Variants in CLIP2 observed in about 807,000 individuals in gnomAD.
The protein encoded by CLIP2 is CAP-Gly domain-containing linker protein 2.
CLIP2 carries 41 observed loss-of-function variants against 111.7 expected under a neutral mutation model. The observed-to-expected ratio is 0.37, with a 90% CI of 0.29 to 0.48. CLIP2 has a LOEUF of 0.48. Among genes scored for constraint, CLIP2 ranks in the 20% least tolerant of loss-of-function variants. The pLI, the probability that CLIP2 is intolerant of heterozygous loss-of-function variation, is 0.99. For missense variants in CLIP2, 1,160 were observed against 1,422.1 expected (o/e 0.82, Z 2.96); for synonymous variants, 660 against 644.2 (o/e 1.02, Z -0.37).
intron 1 of CLIP2, among the ~76,000 whole-genome samples, chr7:74,310,966 C>T (rs950721880): frequency 1.4e-5 from 2 of 147,388 alleles, no homozygotes; most frequent in Non-Finnish European, 3.0e-5. Flanking sequence ...CTGCCTGCCT[C>T]GAGCTCCTAT....
At chr7:74,300,926 T>C (rs1554726726) in intron 1 of CLIP2, among the ~76,000 whole-genome samples, 1 of 152,202 alleles carries the variant, frequency 6.6e-6, no homozygotes, top group Non-Finnish European at 1.5e-5. Context: ...GAATGAATCA[T>C]TTTCCTTTGG....
At chr7:74,345,281 G>A (rs782120865) in intron 3 of CLIP2, among the ~76,000 whole-genome samples, 2 of 151,926 alleles carry the variant, frequency 1.3e-5, no homozygotes, top group Non-Finnish European at 2.9e-5. Flanking sequence ...GTCGCCCAGA[G>A]TGGAGTATAG....
intron 12 of CLIP2, 71 bp from the exon 13 acceptor site, chr7:74,389,032 T>C (rs746770376): frequency 6.6e-7 from 1 of 1,520,394 alleles, no homozygotes; most frequent in Non-Finnish European, 8.8e-7. Flanking sequence ...GCCCAGGTCT[T>C]TGCCCTTGGG....
intron 3 of CLIP2, among the ~76,000 whole-genome samples, chr7:74,347,734 C>T (rs749491405): frequency 1.3e-4 from 20 of 152,152 alleles, no homozygotes; most frequent in South Asian, 2.1e-4. Flanking sequence ...TGAACAAAAA[C>T]GCCACTGAAT....
At chr7:74,293,065 C>G (rs1044302367) in intron 1 of CLIP2, among the ~76,000 whole-genome samples, 1 of 152,150 alleles carries the variant, frequency 6.6e-6, no homozygotes, top group Non-Finnish European at 1.5e-5. Flanking sequence ...CTGACGTGGC[C>G]CCTTTAATAA....
intron 1 of CLIP2, among the ~76,000 whole-genome samples, chr7:74,313,703 C>CA (rs11437619): frequency 0.6 from 90,460 of 151,776 alleles, 29,635 homozygotes; most frequent in Non-Finnish European, 0.74. Context: ...ATGGCCCCTG[C>CA]AGCTTCTGGC....
Position 74,386,394 on chromosome 7 carries a change from G to A in CLIP2, c.2480-127G>A, listed in dbSNP as rs1791100132. On this transcript the variant is annotated intron_variant, in intron 11 of 16. Coordinates refer to ENST00000223398, the MANE Select transcript of CLIP2 (RefSeq NM_003388.5). Reference sequence around the variant, plus strand: ...TACCCAGCGAGACGGCTGGAGTGAGGAAGAACTTGGACCCTGGAGGCCAAG... The same window carrying A: ...TACCCAGCGAGACGGCTGGAGTGAGAAAGAACTTGGACCCTGGAGGCCAAG... 13 of 680,416 alleles carry A rather than the reference G, an allele frequency of 1.9e-5. No homozygotes were observed. The South Asian group carries it at 2.4e-4, about 12-fold the overall frequency. The allele number at this position is 680,416 out of a possible 1,614,324, so 42.1% of individuals were successfully genotyped here.
At chr7:74,294,399 C>T (rs1398315193) in intron 1 of CLIP2, among the ~76,000 whole-genome samples, 1 of 152,166 alleles carries the variant, frequency 6.6e-6, no homozygotes, top group Non-Finnish European at 1.5e-5. Context: ...ATTAACGAGG[C>T]CTGAATTTAG....
intron 2 of CLIP2, among the ~76,000 whole-genome samples, chr7:74,324,295 A>C (rs539524824): frequency 2.6e-5 from 4 of 152,152 alleles, no homozygotes; most frequent in African/African-American, 9.7e-5. Flanking sequence ...CCTGGCCACA[A>C]GTTGTTTTAA....
chr7:74,389,215 G>C lies in CLIP2; in HGVS notation c.2676G>C (p.Ser892=), dbSNP rs781796266. The part of the protein sequence containing the change: ...ETVSRKTHDA[S]GQLVLISQEL... ...TGTCCCGGAAGACCCATGACGCCTCGGGCCAGCTAGTCCTCATCAGCCAGG... is the reference window on the plus strand; with the variant it reads ...TGTCCCGGAAGACCCATGACGCCTCCGGCCAGCTAGTCCTCATCAGCCAGG... Residue 892 remains serine, a synonymous_variant, in exon 13 of 17, where the codon TCG becomes TCC. Coordinates refer to ENST00000223398, the MANE Select transcript of CLIP2 (RefSeq NM_003388.5). 1 of 1,611,614 alleles carries C rather than the reference G, an allele frequency of 6.2e-7. No individual in the cohort carries two copies. The highest frequency in any genetic ancestry group is 8.5e-7 in the Non-Finnish European group (1 of 1,179,172).
At chr7:74,319,747 G>A (rs1017027374) in intron 2 of CLIP2, among the ~76,000 whole-genome samples, 1 of 151,696 alleles carries the variant, frequency 6.6e-6, no homozygotes, top group African/African-American at 2.4e-5. Context: ...CTTGAGCCCA[G>A]GGGTTGGAGG....
At chr7:74,300,691 CA>C (rs1383652287) in intron 1 of CLIP2, among the ~76,000 whole-genome samples, 1 of 151,102 alleles carries the variant, frequency 6.6e-6, no homozygotes, top group Non-Finnish European at 1.5e-5. Context: ...CTCCTGACCT[CA>C]TGATCCACCC....
intron 10 of CLIP2, among the ~76,000 whole-genome samples, chr7:74,377,162 G>A (rs1367958358): frequency 3.9e-5 from 6 of 152,130 alleles, no homozygotes; most frequent in African/African-American, 1.2e-4. Context: ...CCTAGGACCC[G>A]GGACCTCAGA....
chr7:74,289,810 C>T (rs1435892383), intron 1 of CLIP2, 76 bp downstream of exon 1: 1 of 148,106 alleles, frequency 6.8e-6, no homozygotes, highest in Non-Finnish European at 1.5e-5. Context: ...GGGCGGCGGC[C>T]TGGCCGAAAG....
chr7:74,384,698 G>A (rs1386122656), intron 11 of CLIP2, among the ~76,000 whole-genome samples: 1 of 151,794 alleles, frequency 6.6e-6, no homozygotes, highest in East Asian at 2.0e-4. Flanking sequence ...CACCTGCCTC[G>A]GCCTCCTGAA....
chr7:74,358,386 G>A (rs1217931637), intron 6 of CLIP2, among the ~76,000 whole-genome samples: 7 of 151,796 alleles, frequency 4.6e-5, no homozygotes, highest in African/African-American at 1.5e-4. Flanking sequence ...TTTTAATATA[G>A]GGATGGGGTC....
intron 12 of CLIP2, 47 bp downstream of exon 12, chr7:74,386,651 C>T: frequency 6.8e-7 from 1 of 1,463,522 alleles, no homozygotes; most frequent in Non-Finnish European, 9.3e-7. Flanking sequence ...TTCACTGGGG[C>T]CGTGCCATTC....
At chr7:74,319,459 G>C (rs1788884113) in intron 2 of CLIP2, among the ~76,000 whole-genome samples, 2 of 152,088 alleles carry the variant, frequency 1.3e-5, no homozygotes, top group South Asian at 4.1e-4. Flanking sequence ...AGTGAGCCGA[G>C]CTCATGCCAC....
intron 7 of CLIP2, among the ~76,000 whole-genome samples, chr7:74,361,542 G>A (rs1554309803): frequency 6.6e-6 from 1 of 151,774 alleles, no homozygotes; most frequent in Non-Finnish European, 1.5e-5. Context: ...TTTTGAGACA[G>A]GGTCTCACTG....
Sources: gnomAD v4.1 joint callset for allele counts (sites outside exome capture counted in the v4.1 genomes callset) on GRCh38, gnomAD v4.1.1 for gene constraint, MANE v1.5 for transcripts, NCBI Gene and HGNC (gene_info 2026-07-23, HGNC 2026-07-21) for gene names.